The following MKI67 variants were observed in gnomAD, a reference collection of about 807,000 sequenced individuals.
The protein encoded by MKI67 is marker of proliferation Ki-67, also known as proliferation marker protein Ki-67.
Under a neutral mutation model 233.5 loss-of-function variants are expected in MKI67, and 152 were observed. The observed-to-expected ratio is 0.65, with a 90% CI of 0.57 to 0.74. The LOEUF (loss-of-function observed/expected upper bound fraction) is 0.74. MKI67 is among the 30% of genes least tolerant of loss of function. The pLI, the probability that MKI67 is intolerant of heterozygous loss-of-function variation, is 0.00. For synonymous variants in MKI67, 1,465 were observed against 1,418.5 expected, an observed-to-expected ratio of 1.03 and a Z score of -0.74; for missense variants, 3,940 against 3,885.2, an observed-to-expected ratio of 1.01 and a Z score of -0.37.
At chr10:128,113,919 C>A (rs770417304) in intron 7 of MKI67, among the ~76,000 whole-genome samples, 14 of 144,162 alleles carry the variant, frequency 9.7e-5, no homozygotes, top group Non-Finnish European at 1.9e-4. Flanking sequence ...GGGACGACAG[C>A]CAGAGAACTC....
Position 128,112,165 on chromosome 10 carries a change from C to G in MKI67, c.1937G>C (p.Arg646Thr). Residue 646 changes from arginine to threonine, a missense_variant, in exon 9 of 15, where the codon AGA becomes ACA. By Grantham distance (71) the Arg-to-Thr change is moderately conservative. Transcript: ENST00000368654. Reference protein sequence around the residue: ...HDILQMICSKRRSGASEANLI... With the variant: ...HDILQMICSKTRSGASEANLI... ...ATTTGCTTCCGAAGCACCACTTCTT[C>G]TTTTGGAACATATCATCTGTAAAAT... The G allele has an allele frequency of 6.2e-7, 1 of 1,614,108 alleles. No homozygotes were observed. The highest frequency in any genetic ancestry group is 8.5e-7 in the Non-Finnish European group (1 of 1,179,952).
intron 5 of MKI67, among the ~76,000 whole-genome samples, chr10:128,118,449 G>A (rs373820436): frequency 7.3e-5 from 11 of 150,100 alleles, no homozygotes; most frequent in African/African-American, 2.7e-4. Context: ...AGTACCTACT[G>A]CTAATTTCAG....
rs774323911 is a variant in MKI67, at chr10:128,108,085, T to G, written c.3755A>C (p.Asp1252Ala). 3 of 1,612,356 alleles carry G rather than the reference T, an allele frequency of 1.9e-6. No individual in the cohort carries two copies. Among genetic ancestry groups the G allele is most frequent in the Non-Finnish European group, 2.5e-6 (3 of 1,179,728 alleles). Residue 1252 changes from aspartate to alanine, a missense_variant, in exon 13 of 15, where the codon GAC (aspartate) becomes GCC (alanine). Coordinates refer to ENST00000368654, the MANE Select transcript of MKI67 (RefSeq NM_002417.5). ...AAGKTTKIPC[D>A]SPQSDPVDTP... is the part of the protein sequence containing the mutation. The stretch of plus-strand genomic sequence containing the variant: ...GTCCACTGGGTCTGACTGTGGAGAG[T>G]CGCAGGGTATTTTAGTGGTTTTACC...
chr10:128,115,151 A>G lies in MKI67; in HGVS notation c.1257T>C (p.Ser419=), dbSNP rs1226972181. Reference sequence around the variant, plus strand: ...TAGGAATACTTCCTCTGGTTTTGGAAGAGAGATTTTCTGGCTTAGTGGCAG... The same window carrying G: ...TAGGAATACTTCCTCTGGTTTTGGAGGAGAGATTTTCTGGCTTAGTGGCAG... ...ADSATKPENL[S]SKTRGSIPTD... Residue 419 remains serine (S), a synonymous_variant, in exon 7 of 15, where the codon TCT becomes TCC. Coordinates refer to ENST00000368654, the MANE Select transcript of MKI67 (RefSeq NM_002417.5). 2 of 1,614,192 alleles carry G rather than the reference A, an allele frequency of 1.2e-6. No individual in the cohort carries two copies. Among genetic ancestry groups the G allele is most frequent in the East Asian group, 2.2e-5 (1 of 44,878 alleles).
Position 128,115,705 on chromosome 10 carries a change from A to T in MKI67, c.703T>A (p.Ser235Thr). 5 of 1,613,694 alleles carry T rather than the reference A, an allele frequency of 3.1e-6. No homozygotes were observed. The highest frequency in any genetic ancestry group is 2.2e-5 in the East Asian group (1 of 44,880). Residue 235 changes from serine (S) to threonine (T), a missense_variant, in exon 7 of 15, where the codon TCT becomes ACT. Physicochemically the swap from Ser to Thr is moderately conservative, Grantham distance 58. Coordinates refer to ENST00000368654, the MANE Select transcript of MKI67 (RefSeq NM_002417.5). ...QCLDNSKKNE[S>T]PFWKLYESVK... ...GACTCATAAAGCTTCCAAAAGGGAG[A>T]TTCATTTTTTTTGCTATTGTCAAGA...
intron 11 of MKI67, 81 bp from the exon 12 acceptor site, chr10:128,110,614 C>A (rs1852654725): frequency 3.6e-6 from 4 of 1,100,022 alleles, no homozygotes; most frequent in Non-Finnish European, 5.1e-6. Flanking sequence ...ATGTAACGTG[C>A]AAATGGTGGG....
At position 128,106,418 on chromosome 10, in the gene MKI67, G is replaced by T; in HGVS notation, c.5422C>A (p.Gln1808Lys). The T allele has an allele frequency of 6.2e-7, 1 of 1,613,218 alleles. No homozygotes were observed. The highest frequency in any genetic ancestry group is 8.5e-7 in the Non-Finnish European group (1 of 1,179,876). ...FLGTPVQKLDQPGNLPGSNRR... is the reference protein window; with the variant it reads ...FLGTPVQKLDKPGNLPGSNRR... Reference sequence around the variant, plus strand: ...TTGCTGCCAGGTAAATTTCCTGGCTGGTCCAGTTTCTGCACTGGAGTTCCC... The same window carrying T: ...TTGCTGCCAGGTAAATTTCCTGGCTTGTCCAGTTTCTGCACTGGAGTTCCC... Residue 1808 changes from glutamine (Q) to lysine (K), a missense_variant, in exon 13 of 15, where the codon CAG becomes AAG. Gln to Lys is a moderately conservative substitution (Grantham distance 53). Transcript: ENST00000368654.
In MKI67 at chr10:128,101,301, C is replaced by G. The variant is rs757371124; in HGVS notation, c.9662G>C (p.Arg3221Thr). 6.2e-7 allele frequency: 1 copy of G among 1,614,248 alleles called. No homozygotes were observed. The highest frequency in any genetic ancestry group is 8.5e-7 in the Non-Finnish European group (1 of 1,180,040). Residue 3221 changes from arginine (R) to threonine (T), a missense_variant, in exon 14 of 15, where the codon AGA becomes ACA. By Grantham distance (71) the Arg-to-Thr change is moderately conservative. Transcript: ENST00000368654. Reference protein sequence around the residue: ...ASTLESKSVQRVTRSVKRCAE... With the variant: ...ASTLESKSVQTVTRSVKRCAE... ...ACACCTCTTGACACTCCGCGTTACT[C>G]TCTGCACAGATTTGCTCTCCAAAGT...
In MKI67 at chr10:128,110,421, A is replaced by T; in HGVS notation, c.2373T>A (p.Thr791=). ...ENLLGKQFQG[T]DSGEEPLLPT... ...GGAGCAGAGGTTCTTCTCCTGAATC[A>T]GTTCCTTGAAACTGTTTTCCAAGCA... Residue 791 remains threonine (T), a synonymous_variant, in exon 12 of 15, where the codon ACT becomes ACA. Coordinates refer to ENST00000368654, the MANE Select transcript of MKI67 (RefSeq NM_002417.5). The T allele has an allele frequency of 6.3e-7, 1 of 1,585,318 alleles. No homozygotes were observed. Among genetic ancestry groups the T allele is most frequent in the Non-Finnish European group, 8.6e-7 (1 of 1,157,400 alleles).
chr10:128,120,739 G>A (rs2782863), intron 4 of MKI67, among the ~76,000 whole-genome samples: 151,085 of 152,198 alleles, frequency 0.99, 74,994 homozygotes, highest in East Asian at 1. Context: ...TACAAGAGAC[G>A]CAATTTTGAT....
chr10:128,110,411 C>A lies in MKI67; in HGVS notation c.2383G>T (p.Glu795Ter). ...GKQFQGTDSG[E>*]EPLLPTSESF... Reference sequence around the variant, plus strand: ...TCTGAGGTGGGGAGCAGAGGTTCTTCTCCTGAATCAGTTCCTTGAAACTGT... The same window carrying A: ...TCTGAGGTGGGGAGCAGAGGTTCTTATCCTGAATCAGTTCCTTGAAACTGT... The change falls in exon 12 of 15, where the codon GAA becomes TAA. Residue 795 changes from glutamate to a stop codon, truncating the protein, a stop_gained. Coordinates refer to ENST00000368654, the MANE Select transcript of MKI67 (RefSeq NM_002417.5). LOFTEE classifies it high-confidence loss of function. 6.3e-7 allele frequency: 1 copy of A among 1,577,286 alleles called. No individual in the cohort carries two copies. Among genetic ancestry groups the A allele is most frequent in the Non-Finnish European group, 8.7e-7 (1 of 1,151,542 alleles).
At chr10:128,119,788 T>C (rs1852893199) in intron 4 of MKI67, among the ~76,000 whole-genome samples, 1 of 152,220 alleles carries the variant, frequency 6.6e-6, no homozygotes, top group Non-Finnish European at 1.5e-5. Context: ...CACTACAGGG[T>C]AACTACAAAC....
In MKI67 at chr10:128,125,849, G is replaced by A; in HGVS notation, c.-89-93C>T. 1 of 637,332 alleles carries A rather than the reference G, an allele frequency of 1.6e-6. No homozygotes were observed. Among genetic ancestry groups the A allele is most frequent in the Non-Finnish European group, 2.8e-6 (1 of 357,234 alleles). 39.5% of individuals were successfully genotyped at this position (637,332 alleles called of 1,614,324 possible). A position where few individuals can be genotyped will look rare whatever the true frequency, so the allele number is the denominator to read the frequency against. On this transcript the variant is annotated intron_variant, in intron 1 of 14. Transcript: ENST00000368654. This position sits in a 1 kb window ranked among gnomAD's most constrained non-coding sequence, Gnocchi z 5.3. Reference sequence around the variant, plus strand: ...ATCCCCGGCCACAGAAGCGCACACCGCAGCTAGCTAGCGGGGACCCCAGGA... The same window carrying A: ...ATCCCCGGCCACAGAAGCGCACACCACAGCTAGCTAGCGGGGACCCCAGGA...
intron 2 of MKI67, among the ~76,000 whole-genome samples, chr10:128,123,370 C>G (rs755890784): frequency 5.9e-5 from 9 of 152,116 alleles, no homozygotes; most frequent in Non-Finnish European, 8.8e-5. Flanking sequence ...ACTATTAGAT[C>G]TTTAAAACAG....
rs1852256602 is a variant in MKI67 at position 128,098,280 on chromosome 10, T to G, written c.*910A>C. 1.3e-5 allele frequency: 2 copies of G among 152,098 alleles called. No individual in the cohort carries two copies. Among genetic ancestry groups the G allele is most frequent in the South Asian group, 4.1e-4 (2 of 4,830 alleles). 9.4% of individuals were successfully genotyped at this position (152,098 alleles called of 1,614,324 possible). A position where few individuals can be genotyped will look rare whatever the true frequency, so the allele number is the denominator to read the frequency against. ...GGCTGAAGGTGCTGAGTGCTCAGTC[T>G]CTCCAAGGATGATGATGCTTTACAG... On this transcript the variant is annotated 3_prime_UTR_variant, in exon 15 of 15. Transcript: ENST00000368654.
rs148759748 is a variant in MKI67 at position 128,115,788 on chromosome 10, G to A, written c.620C>T (p.Ser207Phe). Residue 207 changes from serine to phenylalanine, a missense_variant, in exon 7 of 15, where the codon TCC becomes TTC. Ser to Phe is a radical substitution (Grantham distance 155, BLOSUM62 -2). Transcript: ENST00000368654. ...DPISGDFKEI[S>F]SVKLVSRYGE... ...ATAACGGCTCACTAATTTAACGCTG[G>A]AAATTTCTTTAAAATCCCCAGAAAT... 4.3e-6 allele frequency: 7 copies of A among 1,612,066 alleles called. No individual in the cohort carries two copies. Among genetic ancestry groups the A allele is most frequent in the Admixed American group, 1.7e-5 (1 of 59,996 alleles).
rs1353909811 is a variant in MKI67 at position 128,096,672 on chromosome 10, T to C, written c.*2518A>G. 6.6e-6 allele frequency: 1 copy of C among 152,276 alleles called. No homozygotes were observed. The highest frequency in any genetic ancestry group is 1.5e-5 in the Non-Finnish European group (1 of 68,070). The allele number at this position is 152,276 out of a possible 1,614,324, so 9.4% of individuals were successfully genotyped here. Reference sequence around the variant, plus strand: ...AAATACCATGGGTTTTAAGACCATTTCATCACATACTTTATTGGACATCTC... The same window carrying C: ...AAATACCATGGGTTTTAAGACCATTCCATCACATACTTTATTGGACATCTC... On this transcript the variant is annotated 3_prime_UTR_variant, in exon 15 of 15. Coordinates refer to ENST00000368654, the MANE Select transcript of MKI67 (RefSeq NM_002417.5).
At chr10:128,111,542 TA>T in intron 11 of MKI67, 102 bp downstream of exon 11, 1 of 994,572 alleles carries the variant, frequency 1.0e-6, no homozygotes, top group Non-Finnish European at 1.5e-6. Context: ...GTTTATTTTA[TA>T]ATCTCTTTCA....
Position 128,104,360 on chromosome 10 carries a change from C to T in MKI67, c.7480G>A (p.Glu2494Lys), listed in dbSNP as rs141022764. 3 of 1,614,028 alleles carry T rather than the reference C, an allele frequency of 1.9e-6. No homozygotes were observed. In the African/African-American group the frequency reaches 4.0e-5, roughly 22 times the overall value. ...GTGAGCTTGCTGACTGCTAGGGGCT[C>T]TTCTTTCATGTCCACTTTCACCAGG... ...IPLVKVDMKE[E>K]PLAVSKLTRT... The change falls in exon 13 of 15, where the codon GAG (glutamate) becomes AAG (lysine). Residue 2494 changes from glutamate (E) to lysine (K), a missense_variant. Physicochemically the swap from Glu to Lys is moderately conservative, Grantham distance 56 (BLOSUM62 1). Transcript: ENST00000368654.
Sources: gnomAD v4.1 joint callset for allele counts (sites outside exome capture counted in the v4.1 genomes callset) on GRCh38, gnomAD v4.1.1 for gene constraint, Gnocchi (gnomAD v3.1) non-coding constraint, MANE v1.5 for transcripts, NCBI Gene and HGNC (gene_info 2026-07-23, HGNC 2026-07-21) for gene names.